The following COX7B2 variants were observed in gnomAD, a reference collection of about 807,000 sequenced individuals.
The protein encoded by COX7B2 is cytochrome c oxidase subunit 7B2, mitochondrial.
For missense variants in COX7B2, 109 were observed against 95.9 expected (o/e 1.14, Z -0.57); for synonymous variants, 37 against 32.1 (o/e 1.15, Z -0.51).
intron 1 of COX7B2, among the ~76,000 whole-genome samples, chr4:46,864,041 A>G (rs1717495940): frequency 6.6e-6 from 1 of 152,206 alleles, no homozygotes; most frequent in Non-Finnish European, 1.5e-5. Flanking sequence ...CACGTTCAAA[A>G]GGCCCTTCAA....
chr4:46,858,590 G>C (rs1221215320), intron 1 of COX7B2, among the ~76,000 whole-genome samples: 1 of 152,156 alleles, frequency 6.6e-6, no homozygotes, highest in Non-Finnish European at 1.5e-5. Flanking sequence ...TAATTATTTG[G>C]TTTGGTGAAG....
rs181844990 is a variant in COX7B2 at position 46,793,680 on chromosome 4, G to A, written c.-50+51280C>T. 1.2e-3 allele frequency among the ~76,000 whole-genome samples: 186 copies of A among 152,320 alleles called. 1 individual carries two copies. Among genetic ancestry groups the A allele is most frequent in the African/African-American group, 4.2e-3 (176 of 41,568 alleles). ...GAGACCCTTAGCTCCTATAGCCACA[G>A]GGCTGAGACTGCTGAAGATCAAACA... On this transcript the variant is annotated intron_variant, in intron 2 of 2. Transcript: ENST00000355591.
intron 1 of COX7B2, among the ~76,000 whole-genome samples, chr4:46,904,877 T>C (rs557668274): frequency 6.6e-6 from 1 of 152,178 alleles, no homozygotes; most frequent in Non-Finnish European, 1.5e-5. Context: ...ATTAAGAACA[T>C]GGATTCCTAT....
At chr4:46,887,431 G>T (rs1719142559) in intron 1 of COX7B2, among the ~76,000 whole-genome samples, 1 of 152,060 alleles carries the variant, frequency 6.6e-6, no homozygotes, top group African/African-American at 2.4e-5. Flanking sequence ...AAATATCCTG[G>T]CCGGGCACAG....
chr4:46,785,598 G>C (rs1193480784), intron 2 of COX7B2, among the ~76,000 whole-genome samples: 3 of 152,176 alleles, frequency 2.0e-5, no homozygotes, highest in Non-Finnish European at 4.4e-5. Flanking sequence ...TAAAAGATTA[G>C]ATTTCTTCAT....
intron 1 of COX7B2, among the ~76,000 whole-genome samples, chr4:46,874,739 A>G (rs934431491): frequency 2.6e-5 from 4 of 152,234 alleles, no homozygotes; most frequent in African/African-American, 9.6e-5. Context: ...AAAAATGTAT[A>G]CTTGGCCAAA....
At chr4:46,839,862 T>C (rs1715812428) in intron 2 of COX7B2, among the ~76,000 whole-genome samples, 1 of 152,060 alleles carries the variant, frequency 6.6e-6, no homozygotes, top group Non-Finnish European at 1.5e-5. Context: ...TCTTAATATA[T>C]GGTTGTTGAA....
chr4:46,871,657 A>G (rs1717998920), intron 1 of COX7B2, among the ~76,000 whole-genome samples: 1 of 152,058 alleles, frequency 6.6e-6, no homozygotes, highest in South Asian at 2.1e-4. Flanking sequence ...AAAAACATTG[A>G]AAAGTGGGCA....
intron 2 of COX7B2, among the ~76,000 whole-genome samples, chr4:46,763,050 T>C (rs1052558958): frequency 2.3e-5 from 3 of 131,070 alleles, no homozygotes; most frequent in African/African-American, 8.6e-5. Flanking sequence ...TTATATATTA[T>C]AATATGTAAT....
intron 2 of COX7B2, among the ~76,000 whole-genome samples, chr4:46,798,051 T>C (rs971747686): frequency 1.3e-5 from 2 of 152,292 alleles, no homozygotes; most frequent in East Asian, 3.9e-4. Context: ...GTCTATTACA[T>C]TGATGACATT....
At chr4:46,859,361 A>C (rs1240168660) in intron 1 of COX7B2, among the ~76,000 whole-genome samples, 2 of 152,174 alleles carry the variant, frequency 1.3e-5, no homozygotes, top group Non-Finnish European at 1.5e-5. Context: ...AAAGGAGCAC[A>C]GATTTTAGGG....
chr4:46,801,266 A>G (rs1718640616), intron 2 of COX7B2, among the ~76,000 whole-genome samples: 1 of 152,182 alleles, frequency 6.6e-6, no homozygotes, highest in African/African-American at 2.4e-5. Context: ...TTGTTCTGCC[A>G]TAAAGACATA....
At chr4:46,812,961 A>G (rs1719362858) in intron 2 of COX7B2, among the ~76,000 whole-genome samples, 1 of 152,056 alleles carries the variant, frequency 6.6e-6, no homozygotes, top group East Asian at 1.9e-4. Context: ...CTGCTCCAGT[A>G]TGCCAGTGGC....
intron 2 of COX7B2, among the ~76,000 whole-genome samples, chr4:46,765,270 T>C (rs1162017725): frequency 1.3e-5 from 2 of 152,094 alleles, no homozygotes; most frequent in African/African-American, 4.8e-5. Context: ...TCACAAAACT[T>C]GTGTCAACCC....
intron 2 of COX7B2, among the ~76,000 whole-genome samples, chr4:46,803,593 A>C (rs575964247): frequency 4.6e-5 from 7 of 152,224 alleles, no homozygotes; most frequent in African/African-American, 1.7e-4. Flanking sequence ...GTTTCCCTCC[A>C]AAAGTGTTTA....
intron 1 of COX7B2, among the ~76,000 whole-genome samples, chr4:46,906,208 T>G (rs946600628): frequency 2.0e-5 from 3 of 152,210 alleles, no homozygotes; most frequent in African/African-American, 7.2e-5. Context: ...GACCTGCCCC[T>G]CAGGGAGGGT....
chr4:46,750,195 T>TACAC (rs58139781), intron 2 of COX7B2, among the ~76,000 whole-genome samples: 16,181 of 113,622 alleles, frequency 0.14, 1,535 homozygotes, highest in East Asian at 0.24. Flanking sequence ...ATCCCATCTC[T>TACAC]ACACACACAC....
At chr4:46,827,499 T>G (rs934787501) in intron 2 of COX7B2, among the ~76,000 whole-genome samples, 1 of 152,152 alleles carries the variant, frequency 6.6e-6, no homozygotes. Flanking sequence ...CCAAATTCTG[T>G]ATCTACTGAA....
chr4:46,816,531 T>C lies in COX7B2; in HGVS notation c.-50+28429A>G, dbSNP rs537472302. ...TTTATAGTTATTATATCTATTATGA[T>C]GTAATCATCATAAAATTATAATTTG... On this transcript the variant is annotated intron_variant, in intron 2 of 2. Coordinates refer to ENST00000355591, the MANE Select transcript of COX7B2 (RefSeq NM_130902.3). Among the ~76,000 whole-genome samples the C allele has an allele frequency of 1.4e-4, 21 of 152,344 alleles. No individual in the cohort carries two copies. In the East Asian group the frequency reaches 3.7e-3, roughly 27 times the overall value.
Sources: allele counts gnomAD v4.1 joint callset (sites outside exome capture counted in the v4.1 genomes callset), GRCh38; gene constraint gnomAD v4.1.1; transcripts MANE v1.5; gene names NCBI Gene and HGNC (gene_info 2026-07-23, HGNC 2026-07-21).